GNL1: variants seen among roughly 807,000 people sequenced by gnomAD.
The protein encoded by GNL1 is guanine nucleotide-binding protein-like 1.
GNL1 carries 21 observed loss-of-function variants against 75.2 expected under a neutral mutation model. That is an observed-to-expected ratio of 0.28 (90% confidence interval 0.20 to 0.40). The LOEUF (loss-of-function observed/expected upper bound fraction) is 0.40. Among genes scored for constraint, GNL1 ranks in the 10% least tolerant of loss-of-function variants. The pLI is 1.00. For missense variants in GNL1, 579 were observed against 775.0 expected, an observed-to-expected ratio of 0.75 and a Z score of 3.00; for synonymous variants, 287 against 303.4, an observed-to-expected ratio of 0.95 and a Z score of 0.56.
Position 30,555,831 on chromosome 6 carries a change from A to ACCC in GNL1, c.74-112_74-111insGGG, listed in dbSNP as rs759344360. 8.6e-7 allele frequency: 1 copy of ACCC among 1,169,132 alleles called. No homozygotes were observed. The highest frequency in any genetic ancestry group is 1.4e-5 in the South Asian group (1 of 70,618). 72.4% of individuals were successfully genotyped at this position (1,169,132 alleles called of 1,614,324 possible). On this transcript the variant is annotated intron_variant, in intron 1 of 11. Coordinates refer to ENST00000376621, the MANE Select transcript of GNL1 (RefSeq NM_005275.5). The surrounding 1 kb of genome is among the most constrained non-coding windows in gnomAD (Gnocchi z 4.3). Reference sequence around the variant, plus strand: ...TCCCACTCAACTTCTTCCGATGTTCAGTCCTCCCAGACACCCTATTTGGGA... The same window carrying ACCC: ...TCCCACTCAACTTCTTCCGATGTTCACCCGTCCTCCCAGACACCCTATTTGGGA...
intron 8 of GNL1, among the ~76,000 whole-genome samples, chr6:30,551,951 C>T (rs140851417): frequency 6.6e-6 from 1 of 152,194 alleles, no homozygotes; most frequent in African/African-American, 2.4e-5. Flanking sequence ...CAGCCTTGAA[C>T]TCTTGGGCTC....
At position 30,546,255 on chromosome 6, in the gene GNL1, C is replaced by T; in HGVS notation, c.1641G>A (p.Gly547=). ...CCTCCTCCTCCTCGTCACCTGCTGG[C>T]CCCACCCTGCCCTGCAAAACCACCA... The part of the protein sequence containing the change: ...TELVVLQGRV[G]PAGDEEEEEE... Residue 547 remains glycine, a synonymous_variant, in exon 12 of 12, where the codon GGG becomes GGA. Coordinates refer to ENST00000376621, the MANE Select transcript of GNL1 (RefSeq NM_005275.5). This position sits in a 1 kb window ranked among gnomAD's most constrained non-coding sequence, Gnocchi z 5.1. 1 of 1,588,526 alleles carries T rather than the reference C, an allele frequency of 6.3e-7. No homozygotes were observed. The highest frequency in any genetic ancestry group is 8.6e-7 in the Non-Finnish European group (1 of 1,166,360).
At position 30,555,359 on chromosome 6, in the gene GNL1, TCTC is replaced by T. The variant is rs1215670471; in HGVS notation, c.240-171_240-169del. 6.6e-6 allele frequency among the ~76,000 whole-genome samples: 1 copy of T among 152,070 alleles called. No individual in the cohort carries two copies. The highest frequency in any genetic ancestry group is 1.5e-5 in the Non-Finnish European group (1 of 68,014). On this transcript the variant is annotated intron_variant, in intron 2 of 11. Coordinates refer to ENST00000376621, the MANE Select transcript of GNL1 (RefSeq NM_005275.5). This position sits in a 1 kb window ranked among gnomAD's most constrained non-coding sequence, Gnocchi z 4.3. ...CCTTCTTTCAGGCAATACTCAGCCTTCTCCTTCTAAAAGCCCAACTCTCTCCAG... is the reference window on the plus strand; with the variant it reads ...CCTTCTTTCAGGCAATACTCAGCCTTCTTCTAAAAGCCCAACTCTCTCCAG...
At chr6:30,549,156 C>T (rs1438727642) in intron 8 of GNL1, among the ~76,000 whole-genome samples, 2 of 152,094 alleles carry the variant, frequency 1.3e-5, no homozygotes, top group Non-Finnish European at 2.9e-5. Flanking sequence ...CGGCTCCACA[C>T]CTGGCTAACT....
intron 5 of GNL1, among the ~76,000 whole-genome samples, chr6:30,554,328 A>G (rs1177591722): frequency 1.3e-5 from 2 of 152,190 alleles, no homozygotes; most frequent in African/African-American, 4.8e-5. Flanking sequence ...TGGATTTTCT[A>G]TTGGTCTGTG....
chr6:30,543,697 T>C lies in GNL1; in HGVS notation c.*2375A>G, dbSNP rs1267897012. On this transcript the variant is annotated 3_prime_UTR_variant, in exon 12 of 12. Coordinates refer to ENST00000376621, the MANE Select transcript of GNL1 (RefSeq NM_005275.5). Reference sequence around the variant, plus strand: ...CTCAGGGATATATGTCTGGCATATATTGTTTTTAACCAATTTTTGTTGACT... The same window carrying C: ...CTCAGGGATATATGTCTGGCATATACTGTTTTTAACCAATTTTTGTTGACT... 3 of 152,304 alleles carry C rather than the reference T, an allele frequency of 2.0e-5. No homozygotes were observed. The highest frequency in any genetic ancestry group is 2.9e-5 in the Non-Finnish European group (2 of 68,030). 9.4% of individuals were successfully genotyped at this position (152,304 alleles called of 1,614,324 possible). A position where few individuals can be genotyped will look rare whatever the true frequency, so the allele number is the denominator to read the frequency against.
Position 30,553,458 on chromosome 6 carries a change from G to A in GNL1, c.700C>T (p.Leu234Phe). 6.2e-7 allele frequency: 1 copy of A among 1,613,006 alleles called. No individual in the cohort carries two copies. Among genetic ancestry groups the A allele is most frequent in the Non-Finnish European group, 8.5e-7 (1 of 1,179,960 alleles). Residue 234 changes from leucine (L) to phenylalanine (F), a missense_variant, in exon 6 of 12, where the codon CTT becomes TTT. Coordinates refer to ENST00000376621, the MANE Select transcript of GNL1 (RefSeq NM_005275.5). ...AAATAATGCTTCCAGGCAACCACAA[G>A]AGCTGGCGGGGCCAGATCCACCTTG... ...LNKVDLAPPA[L>F]VVAWKHYFHQ...
chr6:30,554,343 G>A (rs1799996415), intron 5 of GNL1, among the ~76,000 whole-genome samples: 1 of 152,206 alleles, frequency 6.6e-6, no homozygotes, highest in African/African-American at 2.4e-5. Flanking sequence ...TCTGTGATGA[G>A]CTAAAGGACA....
In GNL1 at chr6:30,547,545, G is replaced by A; in HGVS notation, c.1100-15C>T. 1 of 1,611,018 alleles carries A rather than the reference G, an allele frequency of 6.2e-7. No individual in the cohort carries two copies. The highest frequency in any genetic ancestry group is 8.5e-7 in the Non-Finnish European group (1 of 1,177,666). Reference sequence around the variant, plus strand: ...ATTAGGGAAACCTGAGGAAGGCAAGGAAAATTAACGTTTAACAGGTTTCTA... The same window carrying A: ...ATTAGGGAAACCTGAGGAAGGCAAGAAAAATTAACGTTTAACAGGTTTCTA... On this transcript the variant is annotated splice_polypyrimidine_tract_variant and intron_variant, in intron 8 of 11. Transcript: ENST00000376621. This position sits in a 1 kb window ranked among gnomAD's most constrained non-coding sequence, Gnocchi z 5.5.
Position 30,554,791 on chromosome 6 carries a change from T to C in GNL1, c.501A>G (p.Lys167=). 1 of 1,612,940 alleles carries C rather than the reference T, an allele frequency of 6.2e-7. No homozygotes were observed. The highest frequency in any genetic ancestry group is 8.5e-7 in the Non-Finnish European group (1 of 1,179,974). The change falls in exon 4 of 12, where the codon AAA becomes AAG. Residue 167 remains lysine (K), a synonymous_variant. Coordinates refer to ENST00000376621, the MANE Select transcript of GNL1 (RefSeq NM_005275.5). ...GKIHGAYSSE[K]LSYFEHNLET... is the part of the protein sequence containing the mutation. ...CCAGATTGTGCTCAAAGTAGCTGAG[T>C]TTCTCAGAGGAGTAAGCCCCATGAA...
chr6:30,546,390 C>T lies in GNL1; in HGVS notation c.1583-77G>A. 1.2e-6 allele frequency: 1 copy of T among 847,236 alleles called. No homozygotes were observed. Among genetic ancestry groups the T allele is most frequent in the Middle Eastern group, 2.3e-4 (1 of 4,430 alleles). The allele number at this position is 847,236 out of a possible 1,614,324, so 52.5% of individuals were successfully genotyped here. On this transcript the variant is annotated intron_variant, in intron 11 of 11. Coordinates refer to ENST00000376621, the MANE Select transcript of GNL1 (RefSeq NM_005275.5). This position sits in a 1 kb window ranked among gnomAD's most constrained non-coding sequence, Gnocchi z 5.1. ...AAGCCAAGGAAAGATGGGGAAGAGGCAAAGACTAGGAATAACAATAATCTT... is the reference window on the plus strand; with the variant it reads ...AAGCCAAGGAAAGATGGGGAAGAGGTAAAGACTAGGAATAACAATAATCTT...
Position 30,542,745 on chromosome 6 carries a change from G to T in GNL1, c.*3327C>A, listed in dbSNP as rs966023486. The T allele has an allele frequency of 2.0e-5, 3 of 152,172 alleles. No individual in the cohort carries two copies. The highest frequency in any genetic ancestry group is 7.2e-5 in the African/African-American group (3 of 41,414). 9.4% of individuals were successfully genotyped at this position (152,172 alleles called of 1,614,324 possible). ...GGTGTTCATTCTCTCTCCCTGGGATGGCTGTAAAAGCCTCTGATTTCTCCC... is the reference window on the plus strand; with the variant it reads ...GGTGTTCATTCTCTCTCCCTGGGATTGCTGTAAAAGCCTCTGATTTCTCCC... On this transcript the variant is annotated 3_prime_UTR_variant, in exon 12 of 12. Transcript: ENST00000376621. The surrounding 1 kb of genome is among the most constrained non-coding windows in gnomAD (Gnocchi z 4.5).
chr6:30,547,019 G>A lies in GNL1; in HGVS notation c.1441+93C>T, dbSNP rs995945191. 1.0e-5 allele frequency: 13 copies of A among 1,246,020 alleles called. No homozygotes were observed. Among genetic ancestry groups the A allele is most frequent in the Non-Finnish European group, 1.5e-5 (13 of 851,668 alleles). The allele number at this position is 1,246,020 out of a possible 1,614,324, so 77.2% of individuals were successfully genotyped here. A position where few individuals can be genotyped will look rare whatever the true frequency, so the allele number is the denominator to read the frequency against. On this transcript the variant is annotated intron_variant, in intron 10 of 11. Transcript: ENST00000376621. The surrounding 1 kb of genome is among the most constrained non-coding windows in gnomAD (Gnocchi z 5.5). ...CTTCATCAATGGCAGAATCTCTGAG[G>A]AGAGGAAAGGAGACAGGGAAGGGTA...
intron 8 of GNL1, among the ~76,000 whole-genome samples, chr6:30,549,571 C>T (rs985745255): frequency 2.6e-5 from 4 of 152,158 alleles, no homozygotes; most frequent in Admixed American, 6.5e-5. Context: ...ACTGAAACCA[C>T]GGATCTTCAC....
Position 30,555,133 on chromosome 6 carries a change from C to A in GNL1, c.298G>T (p.Ala100Ser), listed in dbSNP as rs1253377438. ...REEVERRKRAAREQVLQPVSA... is the reference protein window; with the variant it reads ...REEVERRKRASREQVLQPVSA... ...ACCGGCTGTAGAACTTGCTCCCGGG[C>A]TGCTCTCTTTCTCCTCTCTACCTCC... is the stretch of plus-strand genomic sequence containing the variant. Residue 100 changes from alanine to serine, a missense_variant, in exon 3 of 12, where the codon GCC becomes TCC. By Grantham distance (99) the Ala-to-Ser change is moderately conservative (BLOSUM62 1). Transcript: ENST00000376621. The surrounding 1 kb of genome is among the most constrained non-coding windows in gnomAD (Gnocchi z 4.3). 3 of 1,612,934 alleles carry A rather than the reference C, an allele frequency of 1.9e-6. No individual in the cohort carries two copies. Among genetic ancestry groups the A allele is most frequent in the East Asian group, 2.2e-5 (1 of 44,900 alleles).
rs1303574544 is a variant in GNL1 at position 30,546,855 on chromosome 6, A to T, written c.1442-19T>A. 8 of 1,576,738 alleles carry T rather than the reference A, an allele frequency of 5.1e-6. No homozygotes were observed. Among genetic ancestry groups the T allele is most frequent in the Non-Finnish European group, 6.9e-6 (8 of 1,156,758 alleles). On this transcript the variant is annotated intron_variant, in intron 10 of 11. Transcript: ENST00000376621. This position sits in a 1 kb window ranked among gnomAD's most constrained non-coding sequence, Gnocchi z 5.1. ...GCCCAGGCTGGAGGAAGAAAAGAATAATGGAAAGGGAAAGCATTAACCAGG... is the reference window on the plus strand; with the variant it reads ...GCCCAGGCTGGAGGAAGAAAAGAATTATGGAAAGGGAAAGCATTAACCAGG...
Position 30,547,144 on chromosome 6 carries a change from T to C in GNL1, c.1409A>G (p.Glu470Gly). The C allele has an allele frequency of 1.9e-6, 3 of 1,611,532 alleles. No individual in the cohort carries two copies. Among genetic ancestry groups the C allele is most frequent in the South Asian group, 1.1e-5 (1 of 90,944 alleles). The change falls in exon 10 of 12, where the codon GAA becomes GGA. Residue 470 changes from glutamate (E) to glycine (G), a missense_variant. Coordinates refer to ENST00000376621, the MANE Select transcript of GNL1 (RefSeq NM_005275.5). The surrounding 1 kb of genome is among the most constrained non-coding windows in gnomAD (Gnocchi z 5.5). ...GATGTCCCAGGCACACCAGGGGTGTTCCGCTGAGGGGTCCTCAGCCTCTGG... is the reference window on the plus strand; with the variant it reads ...GATGTCCCAGGCACACCAGGGGTGTCCCGCTGAGGGGTCCTCAGCCTCTGG... ...RHPEAEDPSAEHPWCAWDICE... is the reference protein window; with the variant it reads ...RHPEAEDPSAGHPWCAWDICE...
chr6:30,555,859 C>T lies in GNL1; in HGVS notation c.74-139G>A. 1 of 977,246 alleles carries T rather than the reference C, an allele frequency of 1.0e-6. No individual in the cohort carries two copies. The highest frequency in any genetic ancestry group is 1.5e-6 in the Non-Finnish European group (1 of 660,182). 60.5% of individuals were successfully genotyped at this position (977,246 alleles called of 1,614,324 possible). A position where few individuals can be genotyped will look rare whatever the true frequency, so the allele number is the denominator to read the frequency against. ...CCTCCCAGACACCCTATTTGGGACCCTCCCGGATGTGCGTGGGGGGAGTCA... is the reference window on the plus strand; with the variant it reads ...CCTCCCAGACACCCTATTTGGGACCTTCCCGGATGTGCGTGGGGGGAGTCA... On this transcript the variant is annotated intron_variant, in intron 1 of 11. Transcript: ENST00000376621. The surrounding 1 kb of genome is among the most constrained non-coding windows in gnomAD (Gnocchi z 4.3).
Position 30,546,841 on chromosome 6 carries a change from A to T in GNL1, c.1442-5T>A. ...AACCACGTTTCTCTGCCCAGGCTGG[A>T]GGAAGAAAAGAATAATGGAAAGGGA... On this transcript the variant is annotated splice_region_variant and splice_polypyrimidine_tract_variant and intron_variant, in intron 10 of 11. Coordinates refer to ENST00000376621, the MANE Select transcript of GNL1 (RefSeq NM_005275.5). This position sits in a 1 kb window ranked among gnomAD's most constrained non-coding sequence, Gnocchi z 5.1. 6.3e-7 allele frequency: 1 copy of T among 1,583,118 alleles called. No individual in the cohort carries two copies. The highest frequency in any genetic ancestry group is 8.6e-7 in the Non-Finnish European group (1 of 1,160,398).
Sources: allele counts gnomAD v4.1 joint callset (sites outside exome capture counted in the v4.1 genomes callset), GRCh38; gene constraint gnomAD v4.1.1; non-coding constraint Gnocchi (gnomAD v3.1); transcripts MANE v1.5; gene names NCBI Gene and HGNC (gene_info 2026-07-23, HGNC 2026-07-21).